CDKAL1: variants seen among roughly 807,000 people sequenced by gnomAD.
The protein encoded by CDKAL1 is CDKAL1 threonylcarbamoyladenosine tRNA methylthiotransferase.
Under a neutral mutation model 68.2 loss-of-function variants are expected in CDKAL1, and 32 were observed. The observed-to-expected ratio is 0.47, with a 90% CI of 0.35 to 0.63. The LOEUF is 0.63. Ranked by LOEUF, CDKAL1 falls within the 30% of genes least tolerant of loss-of-function variation. The pLI is 0.00. For missense variants in CDKAL1, 606 were observed against 696.7 expected, an observed-to-expected ratio of 0.87 and a Z score of 1.47; for synonymous variants, 234 against 244.3, an observed-to-expected ratio of 0.96 and a Z score of 0.39.
At chr6:20,548,760 A>C (rs1223824582) in intron 4 of CDKAL1, 55 bp downstream of exon 4, 1 of 779,366 alleles carries the variant, frequency 1.3e-6, no homozygotes, top group Non-Finnish European at 2.1e-6. Context: ...TTAAGCTTTT[A>C]GAGATAAATA....
chr6:21,153,235 CT>C (rs1162272560), intron 13 of CDKAL1, among the ~76,000 whole-genome samples: 6,988 of 96,184 alleles, frequency 0.073, 362 homozygotes, highest in African/African-American at 0.19. Flanking sequence ...TATGTGATTT[CT>C]TTTTTTTTTT....
chr6:20,724,521 A>G (rs1276227682), intron 5 of CDKAL1, among the ~76,000 whole-genome samples: 1 of 152,080 alleles, frequency 6.6e-6, no homozygotes, highest in Non-Finnish European at 1.5e-5. Context: ...GATCCAGAAC[A>G]GTGTAGGCAA....
intron 12 of CDKAL1, among the ~76,000 whole-genome samples, chr6:21,069,941 C>T (rs1201426212): frequency 1.3e-5 from 2 of 151,834 alleles, no homozygotes; most frequent in East Asian, 3.9e-4. Context: ...AGGCGCCCGC[C>T]ACCACGCCCG....
chr6:21,204,296 A>AGC (rs1778813016), intron 15 of CDKAL1, among the ~76,000 whole-genome samples: 2 of 152,332 alleles, frequency 1.3e-5, no homozygotes, highest in Middle Eastern at 3.4e-3. Flanking sequence ...ACCCACCCTT[A>AGC]GCAGTCATCA....
chr6:20,713,613 G>A (rs555955040), intron 5 of CDKAL1, among the ~76,000 whole-genome samples: 1 of 152,196 alleles, frequency 6.6e-6, no homozygotes, highest in African/African-American at 2.4e-5. Flanking sequence ...CATTTGCAAA[G>A]AAATACTTGA....
intron 12 of CDKAL1, among the ~76,000 whole-genome samples, chr6:21,084,538 C>A (rs1345655920): frequency 6.6e-6 from 1 of 152,176 alleles, no homozygotes. Flanking sequence ...TACTGACTTA[C>A]CAAATCTGCC....
chr6:20,830,133 G>A lies in CDKAL1; in HGVS notation c.639-15942G>A, dbSNP rs182189214. Among the ~76,000 whole-genome samples the A allele has an allele frequency of 1.3e-3, 199 of 152,276 alleles. 1 individual carries two copies. Among genetic ancestry groups the A allele is most frequent in the African/African-American group, 4.6e-3 (193 of 41,560 alleles). On this transcript the variant is annotated intron_variant, in intron 8 of 15. Transcript: ENST00000274695. ...GGCCTCCCAAAGTGCTGGGATTACA[G>A]GTGTGAGCCACCATGCCTGGCCTGT...
intron 8 of CDKAL1, among the ~76,000 whole-genome samples, chr6:20,820,466 T>A (rs1382257458): frequency 6.6e-6 from 1 of 152,184 alleles, no homozygotes; most frequent in Non-Finnish European, 1.5e-5. Context: ...AGTAATTTAT[T>A]TGCTTAAGGT....
intron 8 of CDKAL1, among the ~76,000 whole-genome samples, chr6:20,812,900 A>G (rs1776883009): frequency 1.3e-5 from 2 of 152,120 alleles, no homozygotes; most frequent in Admixed American, 6.5e-5. Context: ...AGGGTGTGGT[A>G]TGGCTGAATT....
intron 5 of CDKAL1, among the ~76,000 whole-genome samples, chr6:20,672,352 CCTTT>C (rs1769885090): frequency 6.8e-6 from 1 of 147,614 alleles, no homozygotes; most frequent in Non-Finnish European, 1.5e-5. Context: ...CTCTCTCTTT[CCTTT>C]CTTTCTTTTC....
chr6:21,007,482 CAAAAAAAAAAAA>C (rs147527333), intron 11 of CDKAL1, among the ~76,000 whole-genome samples: 1 of 84,550 alleles, frequency 1.2e-5, no homozygotes, highest in South Asian at 4.6e-4. Flanking sequence ...GACCCTGTCT[CAAAAAAAAAAAA>C]AAAAAAAAAA....
At chr6:20,768,186 C>A (rs1216163721) in intron 7 of CDKAL1, among the ~76,000 whole-genome samples, 1 of 152,156 alleles carries the variant, frequency 6.6e-6, no homozygotes, top group Non-Finnish European at 1.5e-5. Flanking sequence ...TTGATTGAGA[C>A]TATGAAGAGC....
intron 5 of CDKAL1, 62 bp downstream of exon 5, chr6:20,649,439 T>A: frequency 1.1e-6 from 1 of 915,266 alleles, no homozygotes. Flanking sequence ...TACCAAAAGA[T>A]TAGCTTTTTA....
chr6:21,037,103 GA>G (rs972830134), intron 11 of CDKAL1, among the ~76,000 whole-genome samples: 6 of 152,152 alleles, frequency 3.9e-5, no homozygotes, highest in East Asian at 1.9e-4. Flanking sequence ...TTAATGGGGG[GA>G]AAAATCTAAA....
intron 10 of CDKAL1, among the ~76,000 whole-genome samples, chr6:20,966,558 A>G (rs1765324026): frequency 6.6e-6 from 1 of 152,138 alleles, no homozygotes; most frequent in Non-Finnish European, 1.5e-5. Context: ...AAAGATCCCC[A>G]ATTATTCATT....
chr6:20,653,740 G>A (rs746026203), intron 5 of CDKAL1, among the ~76,000 whole-genome samples: 29 of 151,708 alleles, frequency 1.9e-4, no homozygotes, highest in East Asian at 7.7e-4. Flanking sequence ...TCAGCCTCTC[G>A]AGTAGGTGGG....
intron 4 of CDKAL1, among the ~76,000 whole-genome samples, chr6:20,617,840 C>T (rs1366698487): frequency 6.6e-6 from 1 of 152,098 alleles, no homozygotes; most frequent in African/African-American, 2.4e-5. Context: ...GGGTTGGTTC[C>T]AAGTCTTTGC....
rs551484562 is a variant in CDKAL1 at position 20,964,178 on chromosome 6, C to T, written c.909+8593C>T. Among the ~76,000 whole-genome samples, 17 of 152,050 alleles carry T rather than the reference C, an allele frequency of 1.1e-4. No homozygotes were observed. In the South Asian group the frequency reaches 2.5e-3, roughly 22 times the overall value. On this transcript the variant is annotated intron_variant, in intron 10 of 15. Coordinates refer to ENST00000274695, the MANE Select transcript of CDKAL1 (RefSeq NM_017774.3). The stretch of plus-strand genomic sequence containing the variant: ...AAAATAACAGATGCTGGCGAGGGTA[C>T]GGAGAAAAAGGAATGCTTATACACT...
chr6:21,090,279 C>G (rs1466051910), intron 12 of CDKAL1, among the ~76,000 whole-genome samples: 1 of 152,158 alleles, frequency 6.6e-6, no homozygotes, highest in Non-Finnish European at 1.5e-5. Flanking sequence ...ATTTTATTGA[C>G]ATTTCATCTA....
Sources: gnomAD v4.1 joint callset for allele counts (sites outside exome capture counted in the v4.1 genomes callset) on GRCh38, gnomAD v4.1.1 for gene constraint, MANE v1.5 for transcripts, NCBI Gene and HGNC (gene_info 2026-07-23, HGNC 2026-07-21) for gene names.